The following CTCF variants were observed in gnomAD, a reference collection of about 807,000 sequenced individuals.
The protein encoded by CTCF is transcriptional repressor CTCF.
Under a neutral mutation model 72.3 loss-of-function variants are expected in CTCF, and 7 were observed. The ratio of observed to expected loss-of-function variants is 0.10; its 90% CI spans 0.06 to 0.18. The LOEUF (loss-of-function observed/expected upper bound fraction) is 0.18, where lower values mean the gene tolerates loss of function less well. Ranked by LOEUF, CTCF falls within the 10% of genes least tolerant of loss-of-function variation. The pLI, the probability that CTCF is intolerant of heterozygous loss-of-function variation, is 1.00. For missense variants in CTCF, 516 were observed against 949.1 expected (o/e 0.54, Z 6.00); for synonymous variants, 374 against 315.8 (o/e 1.18, Z -1.95).
rs180914396 is a variant in CTCF, at chr16:67,608,120, C to T, written c.-9-2704C>T. 2.8e-4 allele frequency among the ~76,000 whole-genome samples: 42 copies of T among 150,974 alleles called. 1 individual carries two copies. The highest frequency in any genetic ancestry group is 2.7e-3 in the Admixed American group (41 of 15,114). On this transcript the variant is annotated intron_variant, in intron 2 of 11. Coordinates refer to ENST00000264010, the MANE Select transcript of CTCF (RefSeq NM_006565.4). ...CAGGCGGATCACGAGGTCAGGAAATCGAGACCATCCTGGCTAACATGGTGA... is the reference window on the plus strand; with the variant it reads ...CAGGCGGATCACGAGGTCAGGAAATTGAGACCATCCTGGCTAACATGGTGA...
Position 67,611,435 on chromosome 16 carries a change from CAAA to C in CTCF, c.608_610del (p.Lys203del). On this transcript the variant is annotated inframe_deletion, in exon 3 of 12. Transcript: ENST00000264010. ...AAGACCCAGACTATCAGCCACCAGC[CAAA>C]AAAACAAAGAAAACCAAAAAGAGCA... 1 of 1,613,714 alleles carries C rather than the reference CAAA, an allele frequency of 6.2e-7. No individual in the cohort carries two copies. The highest frequency in any genetic ancestry group is 2.2e-5 in the East Asian group (1 of 44,862).
intron 2 of CTCF, among the ~76,000 whole-genome samples, chr16:67,589,383 A>C (rs1292812745): frequency 6.6e-6 from 1 of 152,204 alleles, no homozygotes; most frequent in East Asian, 1.9e-4. Context: ...TTTCTTCTGC[A>C]CAAAATTGGT....
chr16:67,614,191 A>C (rs1045269430), intron 4 of CTCF: 1 of 151,508 alleles, frequency 6.6e-6, no homozygotes, highest in Non-Finnish European at 1.5e-5. Flanking sequence ...TACTAAAAAT[A>C]TAAAAATTAG....
At chr16:67,617,477 C>G (rs1406089234) in intron 5 of CTCF, among the ~76,000 whole-genome samples, 1 of 151,736 alleles carries the variant, frequency 6.6e-6, no homozygotes, top group Admixed American at 6.6e-5. Flanking sequence ...CCAGCCTGGG[C>G]GACAGAGCGA....
rs769745945 is a variant in CTCF, at chr16:67,637,877, G to C, written c.*5G>C. The C allele has an allele frequency of 6.2e-7, 1 of 1,600,364 alleles. No individual in the cohort carries two copies. The highest frequency in any genetic ancestry group is 1.3e-5 in the African/African-American group (1 of 74,532). On this transcript the variant is annotated 3_prime_UTR_variant, in exon 12 of 12. Transcript: ENST00000264010. ...CTCAGCATGATGGACCGGTGATGGC[G>C]GAGCCTTGTGCGTCGCCAGGACTTC...
At position 67,611,275 on chromosome 16, in the gene CTCF, C is replaced by T. The variant is rs1442040020; in HGVS notation, c.443C>T (p.Ala148Val). 6 of 1,614,046 alleles carry T rather than the reference C, an allele frequency of 3.7e-6. No individual in the cohort carries two copies. The highest frequency in any genetic ancestry group is 1.1e-5 in the South Asian group (1 of 91,078). Residue 148 changes from alanine (A) to valine (V), a missense_variant, in exon 3 of 12, where the codon GCG becomes GTG. By Grantham distance (64) the Ala-to-Val change is moderately conservative. This residue lies in a region of CTCF where 148 missense variants were observed against 194.9 expected (regional missense o/e 0.76). Transcript: ENST00000264010. ...AATGAAGTGTCTAAAGAGGGCCTTG[C>T]GGAAAGTGAACCCATGATATGCCAC... ...YENEVSKEGL[A>V]ESEPMICHTL...
chr16:67,597,768 T>G (rs554762678), intron 2 of CTCF, among the ~76,000 whole-genome samples: 117 of 152,338 alleles, frequency 7.7e-4, no homozygotes, highest in Non-Finnish European at 1.4e-3. Flanking sequence ...CCTACTGATT[T>G]AAAATGACAG....
chr16:67,574,879 G>C (rs1203106463), intron 2 of CTCF, among the ~76,000 whole-genome samples: 5 of 146,768 alleles, frequency 3.4e-5, no homozygotes, highest in African/African-American at 1.0e-4. Context: ...GGATGGTCTT[G>C]ATCTCCTGAC....
rs1262056324 is a variant in CTCF, at chr16:67,565,518, C to CA, written c.-127+2800dup. Among the ~76,000 whole-genome samples, 5 of 151,110 alleles carry CA rather than the reference C, an allele frequency of 3.3e-5. No individual in the cohort carries two copies. The East Asian group carries it at 1.0e-3, about 30-fold the overall frequency. On this transcript the variant is annotated intron_variant, in intron 1 of 11. Transcript: ENST00000264010. ...TGAAACCCTGTCTCTACTAAAAATA[C>CA]AAAAAATTAGCCAGGCATGGTGGCA...
chr16:67,601,333 G>GT (rs1180321904), intron 2 of CTCF, among the ~76,000 whole-genome samples: 6 of 140,848 alleles, frequency 4.3e-5, no homozygotes, highest in Admixed American at 2.2e-4. Context: ...GTGTGTGTGT[G>GT]TGTGTTTTGT....
chr16:67,636,659 C>G, intron 10 of CTCF, 31 bp from the exon 11 acceptor site: 1 of 1,553,032 alleles, frequency 6.4e-7, no homozygotes, highest in Non-Finnish European at 8.7e-7. Flanking sequence ...CTCCTTGCCC[C>G]ACCACCTGTG....
intron 4 of CTCF, among the ~76,000 whole-genome samples, chr16:67,612,898 A>G (rs185138060): frequency 1.3e-5 from 2 of 152,328 alleles, no homozygotes; most frequent in African/African-American, 4.8e-5. Flanking sequence ...AGATAGTGCT[A>G]CTGCACTCCA....
At chr16:67,580,972 ACG>A (rs2051572215) in intron 2 of CTCF, among the ~76,000 whole-genome samples, 1 of 151,456 alleles carries the variant, frequency 6.6e-6, no homozygotes, top group African/African-American at 2.4e-5. Flanking sequence ...TCTTTCGCCC[ACG>A]CGGGAGTGCA....
chr16:67,565,026 A>T (rs1237456315), intron 1 of CTCF, among the ~76,000 whole-genome samples: 21 of 149,728 alleles, frequency 1.4e-4, no homozygotes, highest in African/African-American at 5.2e-4. Flanking sequence ...TTTGAGACGG[A>T]GTCTCGTTCT....
At chr16:67,617,485 C>T (rs540189575) in intron 5 of CTCF, among the ~76,000 whole-genome samples, 52 of 151,448 alleles carry the variant, frequency 3.4e-4, no homozygotes, top group East Asian at 1.4e-3. Context: ...GGCGACAGAG[C>T]GAGACTCCCT....
intron 2 of CTCF, among the ~76,000 whole-genome samples, chr16:67,601,252 GTGTT>G (rs1460391024): frequency 7.3e-6 from 1 of 137,036 alleles, no homozygotes; most frequent in African/African-American, 2.9e-5. Flanking sequence ...GTGTGTGTGT[GTGTT>G]TTGTTTTGTT....
intron 2 of CTCF, chr16:67,572,611 A>C (rs1355166837): frequency 6.6e-6 from 1 of 152,098 alleles, no homozygotes; most frequent in Non-Finnish European, 1.5e-5. Flanking sequence ...TCAGTGATTA[A>C]ATATTAAATA....
chr16:67,589,916 A>C lies in CTCF; in HGVS notation c.-10+18652A>C, dbSNP rs146477080. ...AGCTTGGCCAACATGGTGAAACCCT[A>C]TCTCTACTAAAAATACAAAAATTAG... On this transcript the variant is annotated intron_variant, in intron 2 of 11. Coordinates refer to ENST00000264010, the MANE Select transcript of CTCF (RefSeq NM_006565.4). Among the ~76,000 whole-genome samples the C allele has an allele frequency of 6.2e-3, 946 of 152,154 alleles. 6 individuals are homozygous for C. The highest frequency in any genetic ancestry group is 0.021 in the African/African-American group (877 of 41,532).
At chr16:67,623,791 T>G (rs546756108) in intron 7 of CTCF, among the ~76,000 whole-genome samples, 3 of 152,266 alleles carry the variant, frequency 2.0e-5, no homozygotes, top group Admixed American at 6.5e-5. Flanking sequence ...GGCTCACGCC[T>G]CTAATCCCAG....
Sources: gnomAD v4.1 joint callset for allele counts (sites outside exome capture counted in the v4.1 genomes callset) on GRCh38, gnomAD v4.1.1 for gene constraint, gnomAD v4.1.1 regional missense constraint, MANE v1.5 for transcripts, NCBI Gene and HGNC (gene_info 2026-07-23, HGNC 2026-07-21) for gene names.